MLLT3: variants seen among roughly 807,000 people sequenced by gnomAD.
The protein encoded by MLLT3 is MLLT3 super elongation complex subunit, also known as protein AF-9.
Under a neutral mutation model 53.2 loss-of-function variants are expected in MLLT3, and 4 were observed. The ratio of observed to expected loss-of-function variants is 0.08; its 90% confidence interval spans 0.04 to 0.17. The LOEUF is 0.17. Among genes scored for constraint, MLLT3 ranks in the 10% least tolerant of loss-of-function variants. The pLI is 1.00. For missense variants in MLLT3, 569 were observed against 684.0 expected, an observed-to-expected ratio of 0.83 and a Z score of 1.87; for synonymous variants, 283 against 230.6, an observed-to-expected ratio of 1.23 and a Z score of -2.06.
At chr9:20,378,401 C>A (rs1821826966) in intron 5 of MLLT3, among the ~76,000 whole-genome samples, 1 of 151,968 alleles carries the variant, frequency 6.6e-6, no homozygotes, top group African/African-American at 2.4e-5. Flanking sequence ...CAGAGAGCAT[C>A]CAGATTTTTG....
At chr9:20,346,630 AAG>A in intron 10 of MLLT3, 56 bp from the exon 11 acceptor site, 1 of 1,561,280 alleles carries the variant, frequency 6.4e-7, no homozygotes, top group Non-Finnish European at 8.7e-7. Context: ...TCAAAAGGCA[AAG>A]AGAGAGTAAT....
intron 2 of MLLT3, among the ~76,000 whole-genome samples, chr9:20,517,374 T>A (rs554851845): frequency 6.6e-6 from 1 of 151,772 alleles, no homozygotes; most frequent in South Asian, 2.1e-4. Context: ...GCACCCAGAT[T>A]GAGGTTTCTA....
intron 5 of MLLT3, among the ~76,000 whole-genome samples, chr9:20,373,985 G>A (rs960240856): frequency 1.4e-5 from 2 of 142,260 alleles, no homozygotes; most frequent in African/African-American, 5.7e-5. Context: ...TTTTCTTTTT[G>A]CTTAACATAA....
chr9:20,372,212 T>G (rs1821624297), intron 5 of MLLT3, among the ~76,000 whole-genome samples: 1 of 152,180 alleles, frequency 6.6e-6, no homozygotes, highest in South Asian at 2.1e-4. Context: ...CTAGGAACAT[T>G]GTTGAAACGA....
chr9:20,427,202 G>A lies in MLLT3; in HGVS notation c.421-12777C>T, dbSNP rs150730795. Among the ~76,000 whole-genome samples, 86 of 151,008 alleles carry A rather than the reference G, an allele frequency of 5.7e-4. 3 individuals carry two copies. The East Asian group carries it at 0.016, about 27-fold the overall frequency. ...ATGCAGACTATAAATAACTATATAT[G>A]AAGTATAAAAAGGAAAAACACTGGA... On this transcript the variant is annotated intron_variant, in intron 4 of 10. Transcript: ENST00000380338.
chr9:20,479,512 C>T (rs1824610988), intron 2 of MLLT3, among the ~76,000 whole-genome samples: 1 of 152,064 alleles, frequency 6.6e-6, no homozygotes, highest in Admixed American at 6.6e-5. Flanking sequence ...GAGACCTTTT[C>T]CATTTGACTC....
At chr9:20,469,568 C>T (rs1824322642) in intron 2 of MLLT3, among the ~76,000 whole-genome samples, 1 of 151,820 alleles carries the variant, frequency 6.6e-6, no homozygotes, top group Non-Finnish European at 1.5e-5. Flanking sequence ...TGAAACAGCT[C>T]AATAGAAAGA....
chr9:20,463,724 C>G (rs541158091), intron 2 of MLLT3, among the ~76,000 whole-genome samples: 66 of 152,184 alleles, frequency 4.3e-4, no homozygotes, highest in Non-Finnish European at 7.9e-4. Context: ...AACCTAGAAA[C>G]AGACCTAATT....
chr9:20,396,317 G>C (rs1822320440), intron 5 of MLLT3, among the ~76,000 whole-genome samples: 1 of 151,980 alleles, frequency 6.6e-6, no homozygotes, highest in Non-Finnish European at 1.5e-5. Context: ...AAATATTCAG[G>C]TTCTACTGGA....
intron 2 of MLLT3, among the ~76,000 whole-genome samples, chr9:20,617,090 A>G (rs1178124117): frequency 2.0e-5 from 3 of 152,186 alleles, no homozygotes; most frequent in African/African-American, 7.2e-5. Flanking sequence ...CTGGTCATCT[A>G]AATTTCATAC....
At chr9:20,420,407 A>C (rs1169662627) in intron 4 of MLLT3, among the ~76,000 whole-genome samples, 2 of 152,224 alleles carry the variant, frequency 1.3e-5, no homozygotes, top group Non-Finnish European at 2.9e-5. Flanking sequence ...TGGAATGGGC[A>C]AAGAAATATC....
intron 4 of MLLT3, chr9:20,415,524 G>C: frequency 1.4e-6 from 1 of 707,988 alleles, no homozygotes; most frequent in Non-Finnish European, 1.7e-6. Context: ...ACTAAAAGAA[G>C]AGCTCTTTCT....
intron 2 of MLLT3, among the ~76,000 whole-genome samples, chr9:20,586,557 G>C (rs1255094995): frequency 2.6e-5 from 4 of 152,162 alleles, no homozygotes; most frequent in Non-Finnish European, 5.9e-5. Context: ...TGCTGAAAAA[G>C]AGAGGCAGAA....
At chr9:20,378,506 T>C (rs1821830827) in intron 5 of MLLT3, among the ~76,000 whole-genome samples, 1 of 152,040 alleles carries the variant, frequency 6.6e-6, no homozygotes, top group South Asian at 2.1e-4. Flanking sequence ...GAAGAAGAGG[T>C]AACACAAACT....
chr9:20,501,163 C>G (rs1825215020), intron 2 of MLLT3, among the ~76,000 whole-genome samples: 1 of 152,186 alleles, frequency 6.6e-6, no homozygotes, highest in African/African-American at 2.4e-5. Flanking sequence ...TTCCATAAAT[C>G]ATGATGTCAC....
chr9:20,370,841 T>C (rs1331085567), intron 5 of MLLT3, among the ~76,000 whole-genome samples: 2 of 152,072 alleles, frequency 1.3e-5, no homozygotes, highest in African/African-American at 4.8e-5. Flanking sequence ...AAGCTATAAA[T>C]GATTAGGCTT....
intron 2 of MLLT3, among the ~76,000 whole-genome samples, chr9:20,508,531 G>A (rs1008440849): frequency 1.4e-4 from 21 of 152,148 alleles, no homozygotes; most frequent in Non-Finnish European, 2.8e-4. Context: ...GTAAATCTTA[G>A]AGGTAAAGAA....
intron 5 of MLLT3, among the ~76,000 whole-genome samples, chr9:20,369,576 C>G (rs902525033): frequency 3.9e-5 from 6 of 152,196 alleles, no homozygotes; most frequent in African/African-American, 1.4e-4. Context: ...CACCTGTTAA[C>G]TGCTCAAAGA....
At chr9:20,536,168 T>A (rs987827840) in intron 2 of MLLT3, among the ~76,000 whole-genome samples, 1 of 128,340 alleles carries the variant, frequency 7.8e-6, no homozygotes, top group East Asian at 2.3e-4. Flanking sequence ...ACTACCAGCA[T>A]CTTTAAAAAC....
Sources: allele counts gnomAD v4.1 joint callset (sites outside exome capture counted in the v4.1 genomes callset), GRCh38; gene constraint gnomAD v4.1.1; transcripts MANE v1.5; gene names NCBI Gene and HGNC (gene_info 2026-07-23, HGNC 2026-07-21).